RALGPS1: variants seen among roughly 807,000 people sequenced by gnomAD.
The protein encoded by RALGPS1 is ras-specific guanine nucleotide-releasing factor RalGPS1.
A neutral mutation model predicts 78.8 loss-of-function variants in RALGPS1; 19 were observed. The ratio of observed to expected loss-of-function variants is 0.24; its 90% confidence interval spans 0.17 to 0.35. RALGPS1 has a LOEUF of 0.35. Among genes scored for constraint, RALGPS1 ranks in the 10% least tolerant of loss-of-function variants. The probability of loss-of-function intolerance (pLI) is 1.00; values close to 1 mark genes in which losing one functional copy is unlikely to be tolerated. For missense variants in RALGPS1, 454 were observed against 688.3 expected, an observed-to-expected ratio of 0.66 and a Z score of 3.81; for synonymous variants, 228 against 256.3, an observed-to-expected ratio of 0.89 and a Z score of 1.06.
intron 8 of RALGPS1, among the ~76,000 whole-genome samples, chr9:127,071,852 C>CTG (rs986624497): frequency 6.6e-6 from 1 of 152,084 alleles, no homozygotes; most frequent in Non-Finnish European, 1.5e-5. Context: ...TTAAAGTGTA[C>CTG]AATTCACTGG....
Position 127,219,258 on chromosome 9 carries a change from CGTGTGT to C in RALGPS1, c.*501_*506del. On this transcript the variant is annotated 3_prime_UTR_variant, in exon 19 of 19. Coordinates refer to ENST00000259351, the MANE Select transcript of RALGPS1 (RefSeq NM_014636.3). This position sits in a 1 kb window ranked among gnomAD's most constrained non-coding sequence, Gnocchi z 5.0. ...GCGTCCTCTGCGTGTGCGTGCTGTA[CGTGTGT>C]GTGTGTGTGTGAGCGAGTGTGAACT... 1 of 186,320 alleles carries C rather than the reference CGTGTGT, an allele frequency of 5.4e-6. No individual in the cohort carries two copies. The highest frequency in any genetic ancestry group is 1.2e-4 in the South Asian group (1 of 8,684). The allele number at this position is 186,320 out of a possible 1,614,324, so 11.5% of individuals were successfully genotyped here.
At chr9:127,174,961 T>C (rs1180337782) in intron 11 of RALGPS1, among the ~76,000 whole-genome samples, 179 bp downstream of exon 11, 4 of 152,184 alleles carry the variant, frequency 2.6e-5, no homozygotes, top group Admixed American at 6.5e-5. Context: ...GCGGGACTTC[T>C]GTGGTTCCCC....
intron 2 of RALGPS1, among the ~76,000 whole-genome samples, chr9:126,964,242 C>T (rs1392955950): frequency 6.6e-6 from 1 of 151,858 alleles, no homozygotes; most frequent in Non-Finnish European, 1.5e-5. Flanking sequence ...CCTGTAATCC[C>T]AGCTACTTTT....
intron 4 of RALGPS1, among the ~76,000 whole-genome samples, chr9:126,990,866 C>T (rs1371349178): frequency 2.6e-5 from 4 of 152,188 alleles, no homozygotes; most frequent in Non-Finnish European, 5.9e-5. Flanking sequence ...AATGCAGTGC[C>T]TGATGTTGTT....
chr9:126,962,097 A>G, intron 1 of RALGPS1, 128 bp from the exon 2 acceptor site: 2 of 586,204 alleles, frequency 3.4e-6, no homozygotes, highest in South Asian at 2.1e-5. Context: ...CCTGAAAGCC[A>G]CTAGCTTATG....
chr9:126,989,819 C>T, intron 4 of RALGPS1: 1 of 1,526,768 alleles, frequency 6.5e-7, no homozygotes, highest in Non-Finnish European at 8.8e-7. Context: ...TTTCACCCTT[C>T]CTGCATCAGG....
At chr9:127,009,967 G>C (rs548529240) in intron 4 of RALGPS1, among the ~76,000 whole-genome samples, 69 of 152,266 alleles carry the variant, frequency 4.5e-4, no homozygotes, top group African/African-American at 1.6e-3. Flanking sequence ...GTGCCCCTGG[G>C]TCTATATTTC....
Position 127,034,383 on chromosome 9 carries a change from T to C in RALGPS1, c.217-48T>C, listed in dbSNP as rs372990385. 221 of 1,544,680 alleles carry C rather than the reference T, an allele frequency of 1.4e-4. 1 individual carries two copies. Among genetic ancestry groups the C allele is most frequent in the South Asian group, 9.4e-4 (84 of 89,540 alleles). On this transcript the variant is annotated intron_variant, in intron 4 of 18. Transcript: ENST00000259351. ...TCCCATTTAATGCCCCTGGTGTATT[T>C]TGCATCCCAACTAGAATCACTGTTG...
At chr9:127,199,539 A>C (rs1482913302) in intron 14 of RALGPS1, among the ~76,000 whole-genome samples, 1 of 149,054 alleles carries the variant, frequency 6.7e-6, no homozygotes, top group Non-Finnish European at 1.5e-5. Context: ...TCCCTCGAGG[A>C]TCCCTCTGCC....
intron 8 of RALGPS1, among the ~76,000 whole-genome samples, chr9:127,112,722 GAAT>G (rs1177251022): frequency 6.6e-6 from 1 of 152,220 alleles, no homozygotes; most frequent in Non-Finnish European, 1.5e-5. Flanking sequence ...CGGGAGATTG[GAAT>G]AATGTGTTAG....
At chr9:126,956,149 TAGG>T (rs943345133) in intron 1 of RALGPS1, among the ~76,000 whole-genome samples, 13 of 152,118 alleles carry the variant, frequency 8.5e-5, no homozygotes, top group African/African-American at 3.1e-4. Flanking sequence ...CCTGAGTTCC[TAGG>T]AGAACCAGGG....
intron 1 of RALGPS1, among the ~76,000 whole-genome samples, chr9:126,955,259 A>C (rs2038235579): frequency 6.6e-6 from 1 of 152,162 alleles, no homozygotes; most frequent in Non-Finnish European, 1.5e-5. Flanking sequence ...GTGCCTGCCC[A>C]CCTTGTGTGC....
chr9:126,979,845 A>G (rs1309345736), intron 4 of RALGPS1, among the ~76,000 whole-genome samples: 1 of 152,188 alleles, frequency 6.6e-6, no homozygotes, highest in Non-Finnish European at 1.5e-5. Context: ...AATCACCTGG[A>G]CAGTCTTGGA....
intron 2 of RALGPS1, among the ~76,000 whole-genome samples, chr9:126,964,406 C>G (rs182420733): frequency 6.6e-6 from 1 of 151,610 alleles, no homozygotes; most frequent in Non-Finnish European, 1.5e-5. Flanking sequence ...TGAGCTCACC[C>G]GAGTCCCCTT....
At chr9:127,045,927 C>T (rs1231840531) in intron 5 of RALGPS1, among the ~76,000 whole-genome samples, 1 of 152,048 alleles carries the variant, frequency 6.6e-6, no homozygotes, top group African/African-American at 2.4e-5. Flanking sequence ...ACCAGCGTTC[C>T]TTGGAGAAAT....
intron 14 of RALGPS1, among the ~76,000 whole-genome samples, chr9:127,199,328 A>G (rs1052542497): frequency 2.0e-5 from 3 of 152,194 alleles, no homozygotes; most frequent in Non-Finnish European, 2.9e-5. Context: ...GCACAGCTGC[A>G]GGAGGCCTGT....
rs1005130084 is a variant in RALGPS1, at chr9:127,069,538, T to A, written c.610+182T>A. 1.5e-5 allele frequency: 9 copies of A among 604,672 alleles called. No homozygotes were observed. In the African/African-American group the frequency reaches 1.7e-4, roughly 11 times the overall value. The allele number at this position is 604,672 out of a possible 1,614,324, so 37.5% of individuals were successfully genotyped here. A position where few individuals can be genotyped will look rare whatever the true frequency, so the allele number is the denominator to read the frequency against. ...ACTTCCCAAGGTTGGAAACCTGGAT[T>A]AGGGTGATATACAAGTGATGTTCTG... On this transcript the variant is annotated intron_variant, in intron 8 of 18. Transcript: ENST00000259351.
chr9:127,100,785 G>A (rs1395241730), intron 8 of RALGPS1, among the ~76,000 whole-genome samples: 4 of 152,214 alleles, frequency 2.6e-5, no homozygotes, highest in African/African-American at 9.7e-5. Flanking sequence ...CATAGTTGGC[G>A]AGTGTATTAA....
chr9:127,074,090 C>T (rs901360018), intron 8 of RALGPS1, among the ~76,000 whole-genome samples: 1 of 152,232 alleles, frequency 6.6e-6, no homozygotes. Context: ...CCATGTTGGC[C>T]AGGCTGGTCT....
Sources: allele counts gnomAD v4.1 joint callset (sites outside exome capture counted in the v4.1 genomes callset), GRCh38; gene constraint gnomAD v4.1.1; non-coding constraint Gnocchi (gnomAD v3.1); transcripts MANE v1.5; gene names NCBI Gene and HGNC (gene_info 2026-07-23, HGNC 2026-07-21).